The following COL4A2 variants were observed in gnomAD, a reference collection of about 807,000 sequenced individuals.
The protein encoded by COL4A2 is collagen type IV alpha 2 chain.
Under a neutral mutation model 200.2 loss-of-function variants are expected in COL4A2, and 99 were observed. The observed-to-expected ratio is 0.49, with a 90% CI of 0.42 to 0.58. COL4A2 has a LOEUF of 0.58. Ranked by LOEUF, COL4A2 falls within the 20% of genes least tolerant of loss-of-function variation. The pLI is 0.00. For missense variants in COL4A2, 1,950 were observed against 2,314.1 expected, an observed-to-expected ratio of 0.84 and a Z score of 3.23; for synonymous variants, 897 against 900.6, an observed-to-expected ratio of 1.00 and a Z score of 0.07.
intron 4 of COL4A2, among the ~76,000 whole-genome samples, chr13:110,359,394 T>C (rs541832155): frequency 1.3e-5 from 2 of 152,344 alleles, no homozygotes; most frequent in South Asian, 4.1e-4. Flanking sequence ...GGAGTAGTAT[T>C]TTGTTTTATG....
At chr13:110,431,126 C>A (rs895029899) in intron 10 of COL4A2, among the ~76,000 whole-genome samples, 1 of 152,078 alleles carries the variant, frequency 6.6e-6, no homozygotes, top group Admixed American at 6.5e-5. Flanking sequence ...GCTCTCTGGC[C>A]ACTCCCACCA....
intron 20 of COL4A2, 147 bp downstream of exon 20, chr13:110,450,601 A>T (rs1481040055): frequency 1.1e-6 from 1 of 950,256 alleles, no homozygotes; most frequent in Non-Finnish European, 1.6e-6. Context: ...ATCCAGGTAG[A>T]TTAGGGTGTA....
At chr13:110,438,422 G>A in intron 14 of COL4A2, 196 bp from the exon 15 acceptor site, 1 of 743,784 alleles carries the variant, frequency 1.3e-6, no homozygotes, top group South Asian at 1.5e-5. Context: ...AGTCCTGGAT[G>A]GGTGACAGCC....
intron 3 of COL4A2, among the ~76,000 whole-genome samples, chr13:110,331,385 G>A (rs771513053): frequency 2.0e-5 from 3 of 152,146 alleles, no homozygotes; most frequent in African/African-American, 2.4e-5. Context: ...AAGAGGGGAC[G>A]AATCCTAATT....
intron 43 of COL4A2, 135 bp from the exon 44 acceptor site, chr13:110,503,712 T>C (rs1883734550): frequency 9.2e-7 from 1 of 1,086,536 alleles, no homozygotes; most frequent in East Asian, 2.4e-5. Flanking sequence ...CGTTAGTGTC[T>C]GGCTCATCTC....
At chr13:110,370,316 T>C (rs1877947107) in intron 4 of COL4A2, among the ~76,000 whole-genome samples, 1 of 152,064 alleles carries the variant, frequency 6.6e-6, no homozygotes, top group Admixed American at 6.6e-5. Context: ...CAGGCTGGAG[T>C]GCAATGTAGC....
At chr13:110,317,098 C>T (rs1229085739) in intron 3 of COL4A2, among the ~76,000 whole-genome samples, 1 of 150,994 alleles carries the variant, frequency 6.6e-6, no homozygotes, top group South Asian at 2.1e-4. Flanking sequence ...CACACACATA[C>T]AGACACACAC....
rs766425009 is a variant in COL4A2, at chr13:110,307,885, G to C, written c.-19G>C. ...GCTAAGTGGGACTGACCGGGGCCCAGAGTGGACGAACCGCCAGCATGGGGA... is the reference window on the plus strand; with the variant it reads ...GCTAAGTGGGACTGACCGGGGCCCACAGTGGACGAACCGCCAGCATGGGGA... On this transcript the variant is annotated 5_prime_UTR_variant, in exon 2 of 48. Transcript: ENST00000360467. This position sits in a 1 kb window ranked among gnomAD's most constrained non-coding sequence, Gnocchi z 5.0. The C allele has an allele frequency of 6.2e-6, 10 of 1,610,674 alleles. No individual in the cohort carries two copies. The African/African-American group carries it at 1.1e-4, about 17-fold the overall frequency.
intron 4 of COL4A2, among the ~76,000 whole-genome samples, chr13:110,410,470 TC>T (rs1010244966): frequency 6.6e-6 from 1 of 152,250 alleles, no homozygotes; most frequent in Non-Finnish European, 1.5e-5. Flanking sequence ...TGACATGGAC[TC>T]CAAGTTCACC....
rs1881923371 is a variant in COL4A2, at chr13:110,459,346, A to G, written c.1596+412A>G. 4.2e-5 allele frequency: 7 copies of G among 166,154 alleles called. No homozygotes were observed. The South Asian group carries it at 1.1e-3, about 27-fold the overall frequency. 10.3% of individuals were successfully genotyped at this position (166,154 alleles called of 1,614,324 possible). ...GCGTCACCTGATGAATGGATCAGCT[A>G]AATCTATACAGCATCTATACCACAG... On this transcript the variant is annotated intron_variant, in intron 22 of 47. Transcript: ENST00000360467.
At position 110,487,026 on chromosome 13, in the gene COL4A2, C is replaced by T. The variant is rs532237812; in HGVS notation, c.3207+1190C>T. 7.9e-5 allele frequency among the ~76,000 whole-genome samples: 12 copies of T among 152,330 alleles called. No homozygotes were observed. In the South Asian group the frequency reaches 2.5e-3, roughly 32 times the overall value. On this transcript the variant is annotated intron_variant, in intron 34 of 47. Transcript: ENST00000360467. ...GTGAACCCTTAGTAGCAGGCCAGGGCCTGCCTGTGTGTCTGTCTGGCCCAC... is the reference window on the plus strand; with the variant it reads ...GTGAACCCTTAGTAGCAGGCCAGGGTCTGCCTGTGTGTCTGTCTGGCCCAC...
intron 3 of COL4A2, among the ~76,000 whole-genome samples, chr13:110,335,335 G>T (rs558656282): frequency 6.6e-6 from 1 of 152,114 alleles, no homozygotes; most frequent in African/African-American, 2.4e-5. Context: ...GTTTTGAAAG[G>T]GACCCAGTGG....
intron 3 of COL4A2, among the ~76,000 whole-genome samples, chr13:110,324,371 G>A (rs532909040): frequency 1.4e-4 from 21 of 152,332 alleles, no homozygotes; most frequent in Non-Finnish European, 2.6e-4. Flanking sequence ...GCTCCTTCTT[G>A]ACACCTGTCC....
At position 110,439,797 on chromosome 13, in the gene COL4A2, T is replaced by C. The variant is rs1482261721; in HGVS notation, c.921T>C (p.Pro307=). The C allele has an allele frequency of 2.5e-6, 4 of 1,613,958 alleles. No individual in the cohort carries two copies. The African/African-American group carries it at 4.0e-5, about 16-fold the overall frequency. The change falls in exon 16 of 48, where the codon CCT becomes CCC. Residue 307 remains proline (P), a synonymous_variant. Coordinates refer to ENST00000360467, the MANE Select transcript of COL4A2 (RefSeq NM_001846.4). Reference sequence around the variant, plus strand: ...TTTTTTGTTCATTCCAGGGTTACCCTGGCTTGAGTGGTGAAAAAGGATCAC... The same window carrying C: ...TTTTTTGTTCATTCCAGGGTTACCCCGGCTTGAGTGGTGAAAAAGGATCAC... ...IMGFPGLRGY[P]GLSGEKGSPG...
intron 46 of COL4A2, 51 bp downstream of exon 46, chr13:110,506,657 G>C (rs927244241): frequency 1.3e-6 from 2 of 1,519,150 alleles, no homozygotes; most frequent in East Asian, 2.3e-5. Flanking sequence ...TGGCCCGGAA[G>C]TGGCCAAGAT....
Position 110,424,766 on chromosome 13 carries a change from C to A in COL4A2, c.213C>A (p.Tyr71Ter), listed in dbSNP as rs1255059662. The A allele has an allele frequency of 1.2e-6, 2 of 1,612,238 alleles. No homozygotes were observed. Among genetic ancestry groups the A allele is most frequent in the Admixed American group, 1.7e-5 (1 of 59,990 alleles). ...GQPGPVGPQG[Y>*]NGPPGLQGFP... ...CTGGGCCAGTGGGCCCCCAGGGGTACAATGGGCCACCAGGATTACAAGGAT... is the reference window on the plus strand; with the variant it reads ...CTGGGCCAGTGGGCCCCCAGGGGTAAAATGGGCCACCAGGATTACAAGGAT... The change falls in exon 5 of 48, where the codon TAC (tyrosine) becomes TAA (stop). Residue 71 changes from tyrosine to a stop codon, truncating the protein, a stop_gained. Transcript: ENST00000360467. LOFTEE classifies it high-confidence loss of function.
chr13:110,430,877 C>T (rs959817576), intron 10 of COL4A2: 3 of 662,136 alleles, frequency 4.5e-6, no homozygotes, highest in Admixed American at 1.8e-5. Flanking sequence ...CCCTTCCATC[C>T]CCACCCCATA....
chr13:110,334,884 C>A (rs747008134), intron 3 of COL4A2, among the ~76,000 whole-genome samples: 1 of 152,162 alleles, frequency 6.6e-6, no homozygotes, highest in African/African-American at 2.4e-5. Context: ...AACGTTCTCC[C>A]GGAGCAGGCC....
At chr13:110,402,831 G>A (rs983933627) in intron 4 of COL4A2, among the ~76,000 whole-genome samples, 3 of 149,882 alleles carry the variant, frequency 2.0e-5, no homozygotes, top group Admixed American at 2.0e-4. Flanking sequence ...TGGAAGCTGG[G>A]TGGAGGTGGC....
Sources: gnomAD v4.1 joint callset for allele counts (sites outside exome capture counted in the v4.1 genomes callset) on GRCh38, gnomAD v4.1.1 for gene constraint, Gnocchi (gnomAD v3.1) non-coding constraint, MANE v1.5 for transcripts, NCBI Gene and HGNC (gene_info 2026-07-23, HGNC 2026-07-21) for gene names.